Variants in THEMIS observed in about 807,000 individuals in gnomAD.
THEMIS encodes the protein protein THEMIS.
Under a neutral mutation model 52.6 loss-of-function variants are expected in THEMIS, and 37 were observed. That is an observed-to-expected ratio of 0.70 (90% CI 0.54 to 0.93). The LOEUF (loss-of-function observed/expected upper bound fraction) is 0.93. Ranked by LOEUF, THEMIS falls within the 40% of genes least tolerant of loss-of-function variation. The pLI, the probability that THEMIS is intolerant of heterozygous loss-of-function variation, is 0.00. For missense variants in THEMIS, 808 were observed against 763.1 expected, an observed-to-expected ratio of 1.06 and a Z score of -0.69; for synonymous variants, 292 against 272.7, an observed-to-expected ratio of 1.07 and a Z score of -0.70.
At chr6:127,887,151 T>C (rs1021355964) in intron 1 of THEMIS, among the ~76,000 whole-genome samples, 4 of 151,792 alleles carry the variant, frequency 2.6e-5, no homozygotes, top group Non-Finnish European at 5.9e-5. Flanking sequence ...AAATCAAATA[T>C]CCAGAATAAA....
chr6:127,783,161 G>A (rs920547693), intron 4 of THEMIS, among the ~76,000 whole-genome samples: 1 of 152,118 alleles, frequency 6.6e-6, no homozygotes, highest in Non-Finnish European at 1.5e-5. Context: ...TTTAATAACT[G>A]GTGTTGGGAA....
chr6:127,900,765 AT>A, intron 1 of THEMIS, 76 bp downstream of exon 1: 1 of 1,260,940 alleles, frequency 7.9e-7, no homozygotes, highest in South Asian at 1.2e-5. Context: ...TGCTGTTAAA[AT>A]TCCCCCCCTC....
At chr6:127,778,146 T>C (rs1776625902) in intron 4 of THEMIS, among the ~76,000 whole-genome samples, 1 of 152,164 alleles carries the variant, frequency 6.6e-6, no homozygotes, top group African/African-American at 2.4e-5. Flanking sequence ...GCTGGTGGAA[T>C]TATATGTGTG....
chr6:127,870,136 C>T (rs891817564), intron 1 of THEMIS, among the ~76,000 whole-genome samples: 2 of 152,210 alleles, frequency 1.3e-5, no homozygotes, highest in African/African-American at 4.8e-5. Flanking sequence ...CTTTCTCCTT[C>T]CCACTGAGGT....
intron 1 of THEMIS, chr6:127,868,551 A>G (rs1780055353): frequency 1.2e-6 from 1 of 846,712 alleles, no homozygotes; most frequent in South Asian, 5.4e-5. Flanking sequence ...TCATTGCTTA[A>G]AGTGACCAGC....
intron 4 of THEMIS, among the ~76,000 whole-genome samples, chr6:127,782,259 TA>T (rs970130574): frequency 9.9e-5 from 15 of 152,112 alleles, no homozygotes; most frequent in African/African-American, 3.6e-4. Context: ...TGCACTGAGC[TA>T]GACCACTTGG....
intron 3 of THEMIS, among the ~76,000 whole-genome samples, chr6:127,820,655 A>G (rs1778306444): frequency 6.6e-6 from 1 of 152,028 alleles, no homozygotes; most frequent in South Asian, 2.1e-4. Context: ...CAGGGAGTCT[A>G]CCTTTCTTTC....
At chr6:127,780,428 T>C (rs1263802988) in intron 4 of THEMIS, among the ~76,000 whole-genome samples, 1 of 152,196 alleles carries the variant, frequency 6.6e-6, no homozygotes, top group African/African-American at 2.4e-5. Context: ...GTAAATTAGA[T>C]CCTGTAATTA....
rs543037690 is a variant in THEMIS, at chr6:127,752,662, T to G, written c.1759-32839A>C. On this transcript the variant is annotated intron_variant, in intron 4 of 5. Transcript: ENST00000368248. The stretch of plus-strand genomic sequence containing the variant: ...AAAACTTGAGCCAACCAATTATGAG[T>G]AAGAAGATTGAATTAGTAATCAAAA... 2.6e-5 allele frequency among the ~76,000 whole-genome samples: 4 copies of G among 151,630 alleles called. No individual in the cohort carries two copies. In the South Asian group the frequency reaches 6.2e-4, roughly 24 times the overall value.
chr6:127,804,167 CAG>C (rs1777626377), intron 4 of THEMIS, among the ~76,000 whole-genome samples: 1 of 152,020 alleles, frequency 6.6e-6, no homozygotes, highest in Non-Finnish European at 1.5e-5. Context: ...TAAGGGAGAT[CAG>C]AGAAGAGCTA....
At chr6:127,885,255 T>A (rs2114446647) in intron 1 of THEMIS, among the ~76,000 whole-genome samples, 1 of 152,290 alleles carries the variant, frequency 6.6e-6, no homozygotes, top group African/African-American at 2.4e-5. Flanking sequence ...CCTTTTGAGC[T>A]TTAAAACTTG....
chr6:127,780,263 T>C (rs937427599), intron 4 of THEMIS, among the ~76,000 whole-genome samples: 1 of 152,194 alleles, frequency 6.6e-6, no homozygotes, highest in Non-Finnish European at 1.5e-5. Context: ...TAAATATTCT[T>C]CCATCCCTTT....
chr6:127,813,657 A>G lies in THEMIS; in HGVS notation c.984T>C (p.Pro328=). 6.2e-7 allele frequency: 1 copy of G among 1,614,124 alleles called. No homozygotes were observed. The highest frequency in any genetic ancestry group is 8.5e-7 in the Non-Finnish European group (1 of 1,179,994). ...ILASEIRSNF[P]KRHFLIPTSY... is the part of the protein sequence containing the mutation. ...TAGTGGGGATCAAGAAGTGTCTTTT[A>G]GGAAAATTGCTTCTAATTTCTGAAG... The change falls in exon 4 of 6, where the codon CCT becomes CCC. Residue 328 remains proline, a synonymous_variant. Coordinates refer to ENST00000368248, the MANE Select transcript of THEMIS (RefSeq NM_001010923.3).
upstream of THEMIS, among the ~76,000 whole-genome samples, chr6:127,903,586 A>T (rs1781199485): frequency 6.6e-6 from 1 of 151,928 alleles, no homozygotes; most frequent in South Asian, 2.1e-4. Flanking sequence ...TTTAAATAAA[A>T]ATAAACCAGA....
At position 127,759,650 on chromosome 6, in the gene THEMIS, C is replaced by T. The variant is rs559636906; in HGVS notation, c.1759-39827G>A. On this transcript the variant is annotated intron_variant, in intron 4 of 5. Coordinates refer to ENST00000368248, the MANE Select transcript of THEMIS (RefSeq NM_001010923.3). ...TGACTCTGTCTTCAAACACATCCAG[C>T]ATGTAACCACATCTCATCACATCTA... 3.3e-5 allele frequency among the ~76,000 whole-genome samples: 5 copies of T among 152,282 alleles called. No individual in the cohort carries two copies. The South Asian group carries it at 1.0e-3, about 32-fold the overall frequency.
chr6:127,841,472 T>A (rs1168539990), intron 2 of THEMIS, among the ~76,000 whole-genome samples: 2 of 151,954 alleles, frequency 1.3e-5, no homozygotes, highest in Non-Finnish European at 2.9e-5. Context: ...TGAGATAGAT[T>A]TTAGAAGATG....
At chr6:127,807,063 C>CA (rs936795836) in intron 4 of THEMIS, among the ~76,000 whole-genome samples, 3 of 151,918 alleles carry the variant, frequency 2.0e-5, no homozygotes, top group African/African-American at 4.8e-5. Context: ...AAATAGCTAC[C>CA]AAAAAAATGC....
chr6:127,844,613 A>G (rs995010120), intron 2 of THEMIS, among the ~76,000 whole-genome samples: 9 of 152,064 alleles, frequency 5.9e-5, no homozygotes, highest in African/African-American at 2.2e-4. Context: ...TGTTCTTCAT[A>G]AAAATGGTAT....
chr6:127,874,416 T>C (rs1780252390), intron 1 of THEMIS, among the ~76,000 whole-genome samples: 2 of 152,224 alleles, frequency 1.3e-5, no homozygotes, highest in Admixed American at 6.5e-5. Flanking sequence ...CTTTTTATAA[T>C]AGATTTGTGT....
Sources: allele counts gnomAD v4.1 joint callset (sites outside exome capture counted in the v4.1 genomes callset), GRCh38; gene constraint gnomAD v4.1.1; transcripts MANE v1.5; gene names NCBI Gene and HGNC (gene_info 2026-07-23, HGNC 2026-07-21).